RAD51B: variants seen among roughly 807,000 people sequenced by gnomAD.
RAD51B encodes RAD51 paralog B.
A neutral mutation model predicts 42.2 loss-of-function variants in RAD51B; 38 were observed. That is an observed-to-expected ratio of 0.90 (90% CI 0.70 to 1.18). RAD51B has a LOEUF of 1.18. Among genes scored for constraint, RAD51B ranks in the 50% most tolerant of loss-of-function variants. RAD51B has a pLI of 0.00. For missense variants in RAD51B, 373 were observed against 400.7 expected, an observed-to-expected ratio of 0.93 and a Z score of 0.59; for synonymous variants, 154 against 145.2, an observed-to-expected ratio of 1.06 and a Z score of -0.43.
intron 9 of RAD51B, among the ~76,000 whole-genome samples, chr14:68,426,007 CCTTTCTTT>C (rs59829165): frequency 2.7e-4 from 31 of 116,676 alleles, no homozygotes; most frequent in African/African-American, 8.2e-4. Context: ...TTCCTTCCTT[CCTTTCTTT>C]CTTTCTTTCT....
At chr14:68,586,977 C>T (rs745335627) in intron 10 of RAD51B, among the ~76,000 whole-genome samples, 3 of 151,722 alleles carry the variant, frequency 2.0e-5, no homozygotes, top group East Asian at 1.9e-4. Flanking sequence ...TGCAGTGAGC[C>T]GAGATCGCGC....
intron 10 of RAD51B, among the ~76,000 whole-genome samples, chr14:68,546,804 G>A (rs559972989): frequency 1.3e-5 from 2 of 152,262 alleles, no homozygotes; most frequent in East Asian, 3.9e-4. Flanking sequence ...CTAGGACAGG[G>A]CAGAGGTCAG....
At chr14:68,296,102 CAT>C (rs1008708838) in intron 8 of RAD51B, among the ~76,000 whole-genome samples, 5 of 152,122 alleles carry the variant, frequency 3.3e-5, no homozygotes, top group Non-Finnish European at 7.4e-5. Context: ...TTTAGGGCAA[CAT>C]CAACAACACA....
intron 10 of RAD51B, among the ~76,000 whole-genome samples, chr14:68,593,362 G>A (rs1050860307): frequency 2.0e-5 from 3 of 152,234 alleles, no homozygotes; most frequent in Admixed American, 6.5e-5. Flanking sequence ...TGGGCTCTCT[G>A]GTGGGCTCTC....
intron 10 of RAD51B, among the ~76,000 whole-genome samples, chr14:68,604,717 TC>T (rs1423179831): frequency 6.6e-6 from 1 of 152,158 alleles, no homozygotes; most frequent in Non-Finnish European, 1.5e-5. Context: ...CCATGGGCCC[TC>T]CTCCTCACTG....
At chr14:68,172,911 A>G (rs1000150423) in intron 7 of RAD51B, among the ~76,000 whole-genome samples, 1 of 152,138 alleles carries the variant, frequency 6.6e-6, no homozygotes, top group Non-Finnish European at 1.5e-5. Context: ...CAAATCTCCA[A>G]GGTCTCTTAT....
At chr14:68,264,145 A>G (rs1427961596) in intron 7 of RAD51B, among the ~76,000 whole-genome samples, 3 of 152,172 alleles carry the variant, frequency 2.0e-5, no homozygotes, top group African/African-American at 4.8e-5. Context: ...AGGAACTCCT[A>G]TTGCTTAAAA....
chr14:68,552,242 G>A (rs778356643), intron 10 of RAD51B, among the ~76,000 whole-genome samples: 6 of 152,288 alleles, frequency 3.9e-5, no homozygotes, highest in East Asian at 1.9e-4. Flanking sequence ...TAGAGTTTGC[G>A]TCTTCCGCAC....
chr14:67,948,066 C>T (rs1194816360), intron 7 of RAD51B, among the ~76,000 whole-genome samples: 2 of 152,090 alleles, frequency 1.3e-5, no homozygotes, highest in Non-Finnish European at 2.9e-5. Context: ...AGGAAAAAAT[C>T]TGTCTTGTGG....
At chr14:68,592,114 G>T (rs949536627) in intron 10 of RAD51B, among the ~76,000 whole-genome samples, 3 of 152,078 alleles carry the variant, frequency 2.0e-5, no homozygotes, top group African/African-American at 4.8e-5. Flanking sequence ...GTATTAGGAG[G>T]GGGGGAATTG....
intron 7 of RAD51B, among the ~76,000 whole-genome samples, chr14:68,270,018 G>A (rs1237905209): frequency 2.0e-5 from 3 of 152,184 alleles, no homozygotes; most frequent in Admixed American, 6.5e-5. Context: ...GGTCAACAAG[G>A]AAATCAAAAA....
intron 10 of RAD51B, among the ~76,000 whole-genome samples, chr14:68,539,588 A>C (rs780832062): frequency 2.6e-5 from 4 of 152,184 alleles, no homozygotes; most frequent in Non-Finnish European, 5.9e-5. Flanking sequence ...CAAGCAAAGG[A>C]CATGCTGAGC....
chr14:68,050,750 C>T (rs1034945151), intron 7 of RAD51B, among the ~76,000 whole-genome samples: 1 of 152,162 alleles, frequency 6.6e-6, no homozygotes, highest in African/African-American at 2.4e-5. Flanking sequence ...TTTATGTTAA[C>T]AAGCTGTGTG....
chr14:67,865,224 C>A (rs2139991674), intron 5 of RAD51B, 85 bp downstream of exon 5: 2 of 1,233,704 alleles, frequency 1.6e-6, no homozygotes, highest in Non-Finnish European at 2.1e-6. Context: ...TTAACATTTA[C>A]CACCCCTCCC....
intron 8 of RAD51B, among the ~76,000 whole-genome samples, chr14:68,332,232 A>C (rs2082365054): frequency 6.6e-6 from 1 of 152,150 alleles, no homozygotes; most frequent in African/African-American, 2.4e-5. Context: ...CCATCCCCCA[A>C]ATATAAATGG....
chr14:67,999,665 G>A (rs765889587), intron 7 of RAD51B, among the ~76,000 whole-genome samples: 2 of 152,192 alleles, frequency 1.3e-5, no homozygotes, highest in Non-Finnish European at 2.9e-5. Flanking sequence ...TTCTGAGAAG[G>A]TTAAATTAAA....
intron 7 of RAD51B, among the ~76,000 whole-genome samples, chr14:67,960,453 T>C (rs2074640565): frequency 2.0e-5 from 3 of 152,198 alleles, no homozygotes; most frequent in Admixed American, 2.0e-4. Flanking sequence ...GCCTATAGTT[T>C]TTATCTTTCA....
At chr14:68,406,217 TAAC>T (rs1371114260) in intron 8 of RAD51B, among the ~76,000 whole-genome samples, 1 of 152,190 alleles carries the variant, frequency 6.6e-6, no homozygotes, top group African/African-American at 2.4e-5. Context: ...ATATGTCACT[TAAC>T]AATGAAGATG....
intron 7 of RAD51B, among the ~76,000 whole-genome samples, chr14:68,207,448 A>C (rs561457060): frequency 6.6e-6 from 1 of 152,196 alleles, no homozygotes; most frequent in Non-Finnish European, 1.5e-5. Context: ...CGAAATTCAC[A>C]TGACAGGGTG....
Sources: gnomAD v4.1 joint callset for allele counts (sites outside exome capture counted in the v4.1 genomes callset) on GRCh38, gnomAD v4.1.1 for gene constraint, MANE v1.5 for transcripts, NCBI Gene and HGNC (gene_info 2026-07-23, HGNC 2026-07-21) for gene names.